Variants in CLDN14 observed in about 807,000 individuals in gnomAD.
CLDN14 encodes the protein claudin 14.
In CLDN14, 2 loss-of-function variants were observed where a neutral mutation model predicts 2.1. The ratio of observed to expected loss-of-function variants is 0.96; its 90% confidence interval spans 0.39 to 3.01. The LOEUF (loss-of-function observed/expected upper bound fraction) is 3.01, where lower values mean the gene tolerates loss of function less well. CLDN14 is among the 30% of genes most tolerant of loss of function. The pLI, the probability that CLDN14 is intolerant of heterozygous loss-of-function variation, is 0.09. For synonymous variants in CLDN14, 136 were observed against 154.4 expected (o/e 0.88, Z 0.88); for missense variants, 298 against 328.0 (o/e 0.91, Z 0.71).
intron 1 of CLDN14, among the ~76,000 whole-genome samples, chr21:36,476,756 A>G (rs971205644): frequency 6.6e-6 from 1 of 152,228 alleles, no homozygotes; most frequent in African/African-American, 2.4e-5. Flanking sequence ...CGGCCCATGG[A>G]TGACCTTTGA....
chr21:36,562,559 C>T (rs532793513), intron 1 of CLDN14, among the ~76,000 whole-genome samples: 1 of 152,332 alleles, frequency 6.6e-6, no homozygotes, highest in Non-Finnish European at 1.5e-5. Context: ...CAGAGTTGAT[C>T]GCTTCCAACC....
chr21:36,561,549 G>C (rs1230767515), intron 1 of CLDN14, among the ~76,000 whole-genome samples: 1 of 152,012 alleles, frequency 6.6e-6, no homozygotes, highest in Non-Finnish European at 1.5e-5. Flanking sequence ...CCACAGTTTA[G>C]AGCCACTAGA....
chr21:36,569,842 G>C (rs2087696551), intron 1 of CLDN14, among the ~76,000 whole-genome samples: 1 of 152,226 alleles, frequency 6.6e-6, no homozygotes, highest in Non-Finnish European at 1.5e-5. Flanking sequence ...AACTTCAGCA[G>C]TGAAGGCTTC....
At chr21:36,521,492 C>CA (rs1187021425) in intron 1 of CLDN14, among the ~76,000 whole-genome samples, 9 of 152,212 alleles carry the variant, frequency 5.9e-5, no homozygotes, top group Non-Finnish European at 8.8e-5. Flanking sequence ...TGGAGCCATC[C>CA]AAACCTCTAC....
chr21:36,522,534 T>G (rs2146493993), intron 1 of CLDN14, among the ~76,000 whole-genome samples: 1 of 152,172 alleles, frequency 6.6e-6, no homozygotes, highest in East Asian at 1.9e-4. Flanking sequence ...CCGCCCTCGT[T>G]TTCATGAACC....
intron 1 of CLDN14, among the ~76,000 whole-genome samples, chr21:36,541,923 G>A (rs1051762241): frequency 2.0e-5 from 3 of 152,084 alleles, no homozygotes; most frequent in Admixed American, 1.3e-4. Flanking sequence ...GTGCATGTAT[G>A]TGTGGGTGTG....
intron 1 of CLDN14, among the ~76,000 whole-genome samples, chr21:36,528,503 A>T (rs2087352925): frequency 6.6e-6 from 1 of 152,196 alleles, no homozygotes; most frequent in Non-Finnish European, 1.5e-5. Context: ...GAGAGAAGTC[A>T]GCCCTGTTAT....
intron 2 of CLDN14, among the ~76,000 whole-genome samples, chr21:36,506,430 G>A (rs551070197): frequency 6.6e-6 from 1 of 152,036 alleles, no homozygotes; most frequent in East Asian, 1.9e-4. Context: ...AGCCCCATCT[G>A]TACTAAAAAT....
chr21:36,503,648 A>G (rs764608945), intron 2 of CLDN14, among the ~76,000 whole-genome samples: 25 of 152,220 alleles, frequency 1.6e-4, no homozygotes, highest in Non-Finnish European at 3.7e-4. Flanking sequence ...TAAATTGCCC[A>G]GTCTTGGGTA....
chr21:36,530,827 A>G (rs189237581), intron 1 of CLDN14, among the ~76,000 whole-genome samples: 91 of 152,340 alleles, frequency 6.0e-4, no homozygotes, highest in Non-Finnish European at 1.1e-3. Flanking sequence ...CAGCCCCCCA[A>G]AAAGAAAGAA....
intron 1 of CLDN14, among the ~76,000 whole-genome samples, chr21:36,518,556 G>A (rs961948335): frequency 6.6e-6 from 1 of 152,092 alleles, no homozygotes; most frequent in Admixed American, 6.6e-5. Flanking sequence ...CCAAGATCAT[G>A]CCACTGAACT....
At chr21:36,526,882 G>A (rs897477336) in intron 1 of CLDN14, among the ~76,000 whole-genome samples, 3 of 152,186 alleles carry the variant, frequency 2.0e-5, no homozygotes, top group Non-Finnish European at 4.4e-5. Flanking sequence ...ATGTACTTCT[G>A]TATGGTGGGC....
At chr21:36,537,650 TC>T (rs1202442754) in intron 1 of CLDN14, among the ~76,000 whole-genome samples, 6 of 112,658 alleles carry the variant, frequency 5.3e-5, no homozygotes, top group Non-Finnish European at 1.4e-4. Flanking sequence ...GTTTTTCTTT[TC>T]TTTTCTTTTT....
chr21:36,550,125 A>G (rs1403258983), intron 1 of CLDN14, among the ~76,000 whole-genome samples: 1 of 152,208 alleles, frequency 6.6e-6, no homozygotes, highest in African/African-American at 2.4e-5. Context: ...ACTACCCTGT[A>G]TTCAGATTCT....
upstream of CLDN14, among the ~76,000 whole-genome samples, chr21:36,483,750 G>T (rs142947869): frequency 5.0e-3 from 756 of 152,324 alleles, 5 homozygotes; most frequent in African/African-American, 0.017. Context: ...GAGAGCTTTT[G>T]TCACCCCTTC....
At chr21:36,490,412 A>G (rs1034758612) in intron 2 of CLDN14, among the ~76,000 whole-genome samples, 3 of 109,886 alleles carry the variant, frequency 2.7e-5, no homozygotes, top group African/African-American at 1.0e-4. Context: ...TTTTTGTGAC[A>G]GAGTCTCACT....
intron 1 of CLDN14, among the ~76,000 whole-genome samples, chr21:36,572,311 A>AC (rs1233771445): frequency 6.6e-6 from 1 of 151,954 alleles, no homozygotes; most frequent in Non-Finnish European, 1.5e-5. Flanking sequence ...AAACAGGAAG[A>AC]CCCCAAGGGT....
chr21:36,497,143 AAGGGAGGAAGGGAGGG>A (rs2087034246), intron 2 of CLDN14, among the ~76,000 whole-genome samples: 1 of 20,404 alleles, frequency 4.9e-5, no homozygotes, highest in African/African-American at 2.7e-4. Flanking sequence ...GGGAGGGAGG[AAGGGAGGAAGGGAGGG>A]AGGGAGGGAG....
intron 1 of CLDN14, among the ~76,000 whole-genome samples, chr21:36,547,307 A>G (rs920801684): frequency 6.6e-6 from 1 of 152,176 alleles, no homozygotes; most frequent in Non-Finnish European, 1.5e-5. Context: ...CTCTATCCCC[A>G]TTTGTGTCTT....
Sources: allele counts gnomAD v4.1 joint callset (sites outside exome capture counted in the v4.1 genomes callset), GRCh38; gene constraint gnomAD v4.1.1; transcripts MANE v1.5; gene names NCBI Gene and HGNC (gene_info 2026-07-23, HGNC 2026-07-21).